Variants in FREM1 observed in about 807,000 individuals in gnomAD.
FREM1 encodes the protein FRAS1-related extracellular matrix protein 1.
A neutral mutation model predicts 210.1 loss-of-function variants in FREM1; 220 were observed. The ratio of observed to expected loss-of-function variants is 1.05; its 90% CI spans 0.94 to 1.17. The LOEUF (loss-of-function observed/expected upper bound fraction) is 1.17, where lower values mean the gene tolerates loss of function less well. Among genes scored for constraint, FREM1 ranks in the 50% most tolerant of loss-of-function variants. The pLI, the probability that FREM1 is intolerant of heterozygous loss-of-function variation, is 0.00. For missense variants in FREM1, 3,454 were observed against 2,675.5 expected, an observed-to-expected ratio of 1.29 and a Z score of -6.42; for synonymous variants, 1,189 against 980.2, an observed-to-expected ratio of 1.21 and a Z score of -3.98.
rs552284483 is a variant in FREM1 at position 14,765,858 on chromosome 9, G to T, written c.5204+3866C>A. 2.0e-4 allele frequency among the ~76,000 whole-genome samples: 30 copies of T among 152,312 alleles called. No homozygotes were observed. In the South Asian group the frequency reaches 2.3e-3, roughly 12 times the overall value. On this transcript the variant is annotated intron_variant, in intron 27 of 36. Transcript: ENST00000380880. The stretch of plus-strand genomic sequence containing the variant: ...TGCTTTTGAAGTTCACTTTTCTCCA[G>T]TGGGCACAAGAAAGAGGTCCACGTA...
chr9:14,845,494 G>A lies in FREM1; in HGVS notation c.1393+466C>T, dbSNP rs537854678. Among the ~76,000 whole-genome samples the A allele has an allele frequency of 3.9e-5, 6 of 152,186 alleles. No homozygotes were observed. The East Asian group carries it at 9.7e-4, about 25-fold the overall frequency. Reference sequence around the variant, plus strand: ...TAATTTTTGTATTTTCAGTAGAGACGGAGTTTTACCATATTGGTCAGGCTG... The same window carrying A: ...TAATTTTTGTATTTTCAGTAGAGACAGAGTTTTACCATATTGGTCAGGCTG... On this transcript the variant is annotated intron_variant, in intron 8 of 36. Coordinates refer to ENST00000380880, the MANE Select transcript of FREM1 (RefSeq NM_001379081.2).
At chr9:14,861,254 T>TATACAC (rs1830411346) in intron 3 of FREM1, among the ~76,000 whole-genome samples, 2 of 66,282 alleles carry the variant, frequency 3.0e-5, no homozygotes, top group African/African-American at 1.9e-4. Flanking sequence ...CATATATACA[T>TATACAC]ATATACACAT....
Position 14,859,419 on chromosome 9 carries a change from C to T in FREM1, c.395G>A (p.Cys132Tyr). The T allele has an allele frequency of 1.2e-6, 2 of 1,613,830 alleles. No homozygotes were observed. The highest frequency in any genetic ancestry group is 1.7e-6 in the Non-Finnish European group (2 of 1,179,726). The change falls in exon 4 of 37, where the codon TGT becomes TAT. Residue 132 changes from cysteine to tyrosine, a missense_variant. Transcript: ENST00000380880. ...ATTGTTACTCATATGGATGATGTTA[C>T]AGTCTGGTTCCAGGAGATAGACCCA... ...ILWVYLLEPD[C>Y]NIIHMSNNVL...
chr9:14,782,818 A>T (rs116218437), intron 24 of FREM1, among the ~76,000 whole-genome samples: 10,547 of 152,216 alleles, frequency 0.069, 413 homozygotes, highest in Non-Finnish European at 0.08. Context: ...ACCTCCCGCA[A>T]CCTTGTGAGG....
chr9:14,745,600 G>T (rs80297814), intron 35 of FREM1, among the ~76,000 whole-genome samples: 1 of 152,146 alleles, frequency 6.6e-6, no homozygotes, highest in African/African-American at 2.4e-5. Flanking sequence ...GTCTTTAGAT[G>T]TGTATAACTT....
intron 10 of FREM1, among the ~76,000 whole-genome samples, chr9:14,832,025 T>TCTTG (rs1823660843): frequency 1.3e-5 from 2 of 152,254 alleles, no homozygotes; most frequent in Non-Finnish European, 2.9e-5. Flanking sequence ...CACTTCTCTT[T>TCTTG]CTAGATGGGT....
intron 24 of FREM1, among the ~76,000 whole-genome samples, chr9:14,776,430 T>A (rs1848586003): frequency 6.6e-6 from 1 of 152,232 alleles, no homozygotes; most frequent in Non-Finnish European, 1.5e-5. Context: ...ACAACATTAA[T>A]GACAGACCCA....
At chr9:14,873,128 C>A (rs1320738964) in intron 1 of FREM1, among the ~76,000 whole-genome samples, 1 of 152,040 alleles carries the variant, frequency 6.6e-6, no homozygotes, top group East Asian at 1.9e-4. Context: ...GTCTAAAATT[C>A]TCTTTTTTGG....
intron 21 of FREM1, among the ~76,000 whole-genome samples, chr9:14,793,218 C>G (rs1851732370): frequency 6.6e-6 from 1 of 152,154 alleles, no homozygotes; most frequent in Non-Finnish European, 1.5e-5. Context: ...ACACTCACAA[C>G]AACAGCTCCA....
intron 1 of FREM1, among the ~76,000 whole-genome samples, chr9:14,889,028 T>G (rs1836314109): frequency 6.6e-6 from 1 of 152,232 alleles, no homozygotes; most frequent in Non-Finnish European, 1.5e-5. Context: ...CTTGCAATTG[T>G]GCTTTTAATT....
rs201055114 is a variant in FREM1 at position 14,861,128 on chromosome 9, C to CATAT, written c.330-1645_330-1644insATAT. Among the ~76,000 whole-genome samples, 272 of 103,300 alleles carry CATAT rather than the reference C, an allele frequency of 2.6e-3. 15 individuals carry two copies. The highest frequency in any genetic ancestry group is 0.011 in the African/African-American group (227 of 20,232). 67.8% of individuals were successfully genotyped at this position (103,300 alleles called of 152,430 possible). A position where few individuals can be genotyped will look rare whatever the true frequency, so the allele number is the denominator to read the frequency against. ...ATATACACATATATATACATATATA[C>CATAT]ACATATATACATATATACACATATA... is the stretch of plus-strand genomic sequence containing the variant. On this transcript the variant is annotated intron_variant, in intron 3 of 36. Coordinates refer to ENST00000380880, the MANE Select transcript of FREM1 (RefSeq NM_001379081.2).
rs751246380 is a variant in FREM1 at position 14,842,290 on chromosome 9, A to C, written c.1738+26T>G. On this transcript the variant is annotated intron_variant, in intron 9 of 36. Transcript: ENST00000380880. Reference sequence around the variant, plus strand: ...TCTATGGAAGAGTGAATTCCATTCAAATGATCTTAACTGCCCAGAACTTAC... The same window carrying C: ...TCTATGGAAGAGTGAATTCCATTCACATGATCTTAACTGCCCAGAACTTAC... 1 of 1,408,496 alleles carries C rather than the reference A, an allele frequency of 7.1e-7. No homozygotes were observed. Among genetic ancestry groups the C allele is most frequent in the Non-Finnish European group, 9.7e-7 (1 of 1,032,382 alleles). The allele number at this position is 1,408,496 out of a possible 1,614,324, so 87.2% of individuals were successfully genotyped here.
At chr9:14,818,515 T>G (rs956906181) in intron 14 of FREM1, among the ~76,000 whole-genome samples, 1 of 152,242 alleles carries the variant, frequency 6.6e-6, no homozygotes, top group Non-Finnish European at 1.5e-5. Flanking sequence ...AGCTTGAATT[T>G]ACAGGTGAGA....
chr9:14,764,043 G>T (rs1339811358), intron 27 of FREM1, among the ~76,000 whole-genome samples: 1 of 152,128 alleles, frequency 6.6e-6, no homozygotes, highest in Admixed American at 6.5e-5. Context: ...ACATGTTGTG[G>T]GAGGGACCTG....
rs760876011 is a variant in FREM1, at chr9:14,759,766, C to A, written c.5334+6G>T. ...AGCTTGATAATTTACATTTCAGAGT[C>A]ATTACCTTTATACCCACAAAGGCCG... is the stretch of plus-strand genomic sequence containing the variant. On this transcript the variant is annotated splice_donor_region_variant and intron_variant, in intron 28 of 36. Transcript: ENST00000380880. The A allele has an allele frequency of 6.3e-7, 1 of 1,591,854 alleles. No individual in the cohort carries two copies. Among genetic ancestry groups the A allele is most frequent in the Non-Finnish European group, 8.6e-7 (1 of 1,168,824 alleles).
chr9:14,796,834 T>C (rs370393266), intron 21 of FREM1, among the ~76,000 whole-genome samples: 2 of 152,242 alleles, frequency 1.3e-5, no homozygotes, highest in South Asian at 4.1e-4. Context: ...AAATTAAACC[T>C]CTTTTCTTTA....
chr9:14,812,349 G>C (rs1428755502), intron 16 of FREM1, among the ~76,000 whole-genome samples: 2 of 152,158 alleles, frequency 1.3e-5, no homozygotes, highest in Non-Finnish European at 2.9e-5. Flanking sequence ...GTCATATACT[G>C]GGTAAGACAT....
chr9:14,865,377 A>G (rs1366105213), intron 2 of FREM1, among the ~76,000 whole-genome samples: 8 of 152,336 alleles, frequency 5.3e-5, no homozygotes, highest in South Asian at 2.1e-4. Flanking sequence ...CTAATTGACT[A>G]TATCAAGAGG....
At chr9:14,907,825 G>A (rs1488117585) in intron 1 of FREM1, among the ~76,000 whole-genome samples, 1 of 152,194 alleles carries the variant, frequency 6.6e-6, no homozygotes, top group Non-Finnish European at 1.5e-5. Flanking sequence ...ATCCATCAAT[G>A]TCAGAATATC....
Sources: gnomAD v4.1 joint callset for allele counts (sites outside exome capture counted in the v4.1 genomes callset) on GRCh38, gnomAD v4.1.1 for gene constraint, MANE v1.5 for transcripts, NCBI Gene and HGNC (gene_info 2026-07-23, HGNC 2026-07-21) for gene names.